MANEA: variants seen among roughly 807,000 people sequenced by gnomAD.
MANEA encodes the protein glycoprotein endo-alpha-1,2-mannosidase.
Under a neutral mutation model 36.8 loss-of-function variants are expected in MANEA, and 25 were observed. The observed-to-expected ratio is 0.68, with a 90% CI of 0.50 to 0.95. The LOEUF (loss-of-function observed/expected upper bound fraction) is 0.95, where lower values mean the gene tolerates loss of function less well. Ranked by LOEUF, MANEA falls within the 40% of genes least tolerant of loss-of-function variation. The pLI, the probability that MANEA is intolerant of heterozygous loss-of-function variation, is 0.00. For missense variants in MANEA, 565 were observed against 558.8 expected (o/e 1.01, Z -0.11); for synonymous variants, 198 against 188.5 (o/e 1.05, Z -0.41).
intron 1 of MANEA, among the ~76,000 whole-genome samples, chr6:95,581,395 C>T (rs1769179706): frequency 6.6e-6 from 1 of 151,350 alleles, no homozygotes; most frequent in African/African-American, 2.4e-5. Context: ...CATTCATAGG[C>T]AAGAGAGAGA....
intron 2 of MANEA, among the ~76,000 whole-genome samples, chr6:95,595,293 C>T (rs762823510): frequency 1.2e-4 from 19 of 152,168 alleles, no homozygotes; most frequent in Non-Finnish European, 2.2e-4. Context: ...TGTAAGTGAT[C>T]GCTTATAAAA....
intron 3 of MANEA, among the ~76,000 whole-genome samples, chr6:95,599,444 T>C (rs2127943862): frequency 6.6e-6 from 1 of 151,716 alleles, no homozygotes; most frequent in Middle Eastern, 3.4e-3. Flanking sequence ...TGATGTAGGT[T>C]CTTTTAACTA....
intron 1 of MANEA, among the ~76,000 whole-genome samples, chr6:95,579,271 G>A (rs748006839): frequency 2.0e-5 from 3 of 152,146 alleles, no homozygotes; most frequent in Non-Finnish European, 4.4e-5. Flanking sequence ...TACTCTGGAG[G>A]CTGAGGCAGG....
At chr6:95,587,006 T>G (rs1408953523) in intron 2 of MANEA, 23 bp downstream of exon 2, 1 of 1,261,832 alleles carries the variant, frequency 7.9e-7, no homozygotes, top group Admixed American at 2.1e-5. Flanking sequence ...TATATATATA[T>G]GTGTGTTTGT....
chr6:95,581,751 A>C (rs1419961160), intron 1 of MANEA, among the ~76,000 whole-genome samples: 1 of 152,188 alleles, frequency 6.6e-6, no homozygotes, highest in Admixed American at 6.5e-5. Context: ...AGCTGAAGTC[A>C]ACGTTTCAAA....
intron 3 of MANEA, among the ~76,000 whole-genome samples, chr6:95,598,976 G>T (rs1042048909): frequency 6.6e-6 from 1 of 152,160 alleles, no homozygotes; most frequent in East Asian, 1.9e-4. Context: ...AATGACTTGT[G>T]TCTCAGCTTC....
intron 2 of MANEA, among the ~76,000 whole-genome samples, chr6:95,591,116 G>A (rs1276659635): frequency 6.6e-6 from 1 of 152,122 alleles, no homozygotes; most frequent in Admixed American, 6.5e-5. Flanking sequence ...ATAATCAGTT[G>A]TTTTTCACAG....
chr6:95,609,292 A>T lies in MANEA; in HGVS notation c.*2887A>T, dbSNP rs1166389441. 6.6e-6 allele frequency: 1 copy of T among 151,736 alleles called. No individual in the cohort carries two copies. Among genetic ancestry groups the T allele is most frequent in the African/African-American group, 2.4e-5 (1 of 41,430 alleles). The allele number at this position is 151,736 out of a possible 1,614,324, so 9.4% of individuals were successfully genotyped here. On this transcript the variant is annotated 3_prime_UTR_variant, in exon 5 of 5. Coordinates refer to ENST00000358812, the MANE Select transcript of MANEA (RefSeq NM_024641.4). ...GACTGTTATAGAAACCAAATATTTT[A>T]CTGTTTCTTTTAAGGACTAATATTG... is the stretch of plus-strand genomic sequence containing the variant.
chr6:95,580,034 C>A (rs1769149756), intron 1 of MANEA, among the ~76,000 whole-genome samples: 1 of 152,162 alleles, frequency 6.6e-6, no homozygotes, highest in African/African-American at 2.4e-5. Flanking sequence ...CCTGCAAGAT[C>A]AGACATTTTA....
intron 2 of MANEA, among the ~76,000 whole-genome samples, chr6:95,589,378 T>G (rs1360517026): frequency 6.6e-6 from 1 of 152,182 alleles, no homozygotes; most frequent in East Asian, 1.9e-4. Context: ...AATGGCCTTC[T>G]TTTTATCTTA....
chr6:95,598,219 A>G (rs778230093), intron 3 of MANEA, among the ~76,000 whole-genome samples: 16 of 152,198 alleles, frequency 1.1e-4, no homozygotes, highest in Non-Finnish European at 1.6e-4. Context: ...TATACTCACT[A>G]TCTATTGCTG....
In MANEA at chr6:95,606,151, G is replaced by C. The variant is rs752515420; in HGVS notation, c.1135G>C (p.Gly379Arg). Residue 379 changes from glycine to arginine, a missense_variant, in exon 5 of 5, where the codon GGG becomes CGG. Gly to Arg is a moderately radical substitution (Grantham distance 125, BLOSUM62 -2). Coordinates refer to ENST00000358812, the MANE Select transcript of MANEA (RefSeq NM_024641.4). ...NTQNTRNRIN[G>R]KYYEIGLSAA... is the part of the protein sequence containing the mutation. ...GCAAAACACTCGGAACCGAATCAATGGGAAGTATTATGAAATTGGTCTGAG... is the reference window on the plus strand; with the variant it reads ...GCAAAACACTCGGAACCGAATCAATCGGAAGTATTATGAAATTGGTCTGAG... 22 of 1,614,006 alleles carry C rather than the reference G, an allele frequency of 1.4e-5. No homozygotes were observed. The highest frequency in any genetic ancestry group is 1.9e-5 in the Non-Finnish European group (22 of 1,179,954).
intron 1 of MANEA, among the ~76,000 whole-genome samples, chr6:95,580,183 G>C (rs559613884): frequency 1.3e-5 from 2 of 151,990 alleles, no homozygotes; most frequent in East Asian, 3.9e-4. Context: ...TGTGTATACG[G>C]TCAGTAGTCT....
intron 2 of MANEA, among the ~76,000 whole-genome samples, chr6:95,594,837 A>G: frequency 6.6e-6 from 1 of 152,108 alleles, no homozygotes; most frequent in East Asian, 1.9e-4. Flanking sequence ...GTTTACTTGT[A>G]CCAATTTTGC....
intron 2 of MANEA, among the ~76,000 whole-genome samples, chr6:95,596,476 G>A (rs1345444054): frequency 6.6e-6 from 1 of 151,982 alleles, no homozygotes; most frequent in East Asian, 1.9e-4. Context: ...TATTTTCTTT[G>A]CTATTTTTAT....
chr6:95,584,628 A>T (rs1462500737), intron 1 of MANEA, among the ~76,000 whole-genome samples: 1 of 152,126 alleles, frequency 6.6e-6, no homozygotes, highest in African/African-American at 2.4e-5. Flanking sequence ...GTTTCCCCAG[A>T]AGCATGTGAT....
chr6:95,583,178 A>G (rs766084010), intron 1 of MANEA, among the ~76,000 whole-genome samples: 2 of 152,210 alleles, frequency 1.3e-5, no homozygotes, highest in Non-Finnish European at 2.9e-5. Flanking sequence ...AAGTTCATTT[A>G]CATAGCTTTT....
rs1162892381 is a variant in MANEA, at chr6:95,597,057, TA to T, written c.654+212del. On this transcript the variant is annotated intron_variant, in intron 3 of 4. Coordinates refer to ENST00000358812, the MANE Select transcript of MANEA (RefSeq NM_024641.4). ...ATTCTTTACTATGTTTCTAATGTTT[TA>T]TTTTTTTATAGTAGAAAGGGATTGA... 1.5e-4 allele frequency among the ~76,000 whole-genome samples: 23 copies of T among 152,152 alleles called. 1 individual carries two copies. Among genetic ancestry groups the T allele is most frequent in the East Asian group, 3.9e-4 (2 of 5,184 alleles).
At chr6:95,590,469 ATTTG>A (rs1769367165) in intron 2 of MANEA, among the ~76,000 whole-genome samples, 1 of 152,152 alleles carries the variant, frequency 6.6e-6, no homozygotes, top group Non-Finnish European at 1.5e-5. Context: ...AGTATGACAT[ATTTG>A]TTTTAGTAAG....
Sources: gnomAD v4.1 joint callset for allele counts (sites outside exome capture counted in the v4.1 genomes callset) on GRCh38, gnomAD v4.1.1 for gene constraint, MANE v1.5 for transcripts, NCBI Gene and HGNC (gene_info 2026-07-23, HGNC 2026-07-21) for gene names.